BABAM2: variants seen among roughly 807,000 people sequenced by gnomAD.
BABAM2 encodes BRISC and BRCA1-A complex member 2.
In BABAM2, 31 loss-of-function variants were observed where a neutral mutation model predicts 54.7. The ratio of observed to expected loss-of-function variants is 0.57; its 90% confidence interval spans 0.43 to 0.77. BABAM2 has a LOEUF of 0.77. BABAM2 is among the 30% of genes least tolerant of loss of function. The pLI, the probability that BABAM2 is intolerant of heterozygous loss-of-function variation, is 0.00. For synonymous variants in BABAM2, 167 were observed against 162.9 expected (o/e 1.03, Z -0.19); for missense variants, 364 against 455.8 (o/e 0.80, Z 1.83).
chr2:28,139,321 CAAAAAAAAAAAAAAA>C (rs768755922), intron 7 of BABAM2, among the ~76,000 whole-genome samples: 133 of 87,058 alleles, frequency 1.5e-3, no homozygotes, highest in Non-Finnish European at 2.0e-3. Context: ...AACTCCGTCT[CAAAAAAAAAAAAAAA>C]AAAAAAAAAG....
chr2:28,026,855 T>TATAAAAA (rs1675776094), intron 5 of BABAM2, among the ~76,000 whole-genome samples: 1 of 81,284 alleles, frequency 1.2e-5, no homozygotes, highest in African/African-American at 6.0e-5. Flanking sequence ...TATATATTTA[T>TATAAAAA]ATATATAGAT....
chr2:27,945,986 C>T (rs1466480832), intron 3 of BABAM2, among the ~76,000 whole-genome samples: 1 of 151,946 alleles, frequency 6.6e-6, no homozygotes, highest in Non-Finnish European at 1.5e-5. Context: ...TTGTATCTTC[C>T]TTTCCAATCT....
intron 7 of BABAM2, among the ~76,000 whole-genome samples, chr2:28,133,930 G>C (rs910424088): frequency 6.6e-6 from 1 of 152,144 alleles, no homozygotes; most frequent in African/African-American, 2.4e-5. Context: ...TGGAATAGTT[G>C]TCTGGTGTCC....
intron 3 of BABAM2, among the ~76,000 whole-genome samples, chr2:27,944,679 G>A (rs1197226390): frequency 1.3e-5 from 2 of 151,674 alleles, no homozygotes; most frequent in Non-Finnish European, 2.9e-5. Context: ...GAATAAACTT[G>A]CCATTACATT....
At chr2:28,023,831 T>C (rs536418388) in intron 4 of BABAM2, among the ~76,000 whole-genome samples, 17 of 152,294 alleles carry the variant, frequency 1.1e-4, no homozygotes, top group African/African-American at 4.1e-4. Flanking sequence ...CTTAAGGCAA[T>C]ATAAAGTAGT....
At chr2:28,219,954 G>A (rs2148010079) in intron 7 of BABAM2, among the ~76,000 whole-genome samples, 2 of 152,310 alleles carry the variant, frequency 1.3e-5, no homozygotes, top group African/African-American at 4.8e-5. Flanking sequence ...TACTGGATGA[G>A]TTGTGGCTCA....
At chr2:28,099,798 C>T (rs1186721110) in intron 6 of BABAM2, among the ~76,000 whole-genome samples, 1 of 152,134 alleles carries the variant, frequency 6.6e-6, no homozygotes, top group Non-Finnish European at 1.5e-5. Context: ...TAACATTTCA[C>T]TCTGTTGTTG....
At chr2:28,072,186 T>G (rs1263090143) in intron 6 of BABAM2, among the ~76,000 whole-genome samples, 1 of 151,986 alleles carries the variant, frequency 6.6e-6, no homozygotes, top group Non-Finnish European at 1.5e-5. Context: ...ATTCTTTTTT[T>G]TTTTTGAGAT....
At chr2:28,266,652 A>T (rs4666049) in intron 10 of BABAM2, among the ~76,000 whole-genome samples, 26,248 of 152,220 alleles carry the variant, frequency 0.17, 3,246 homozygotes, top group East Asian at 0.59. Context: ...AGGTAAGGAA[A>T]CCAAGGGTAA....
chr2:28,278,984 G>A (rs1455206028), intron 10 of BABAM2, among the ~76,000 whole-genome samples: 1 of 152,208 alleles, frequency 6.6e-6, no homozygotes, highest in East Asian at 1.9e-4. Flanking sequence ...CACAGTGAAG[G>A]TGAGCCCGTC....
chr2:27,910,935 G>T (rs967303222), intron 2 of BABAM2, among the ~76,000 whole-genome samples: 3 of 152,154 alleles, frequency 2.0e-5, no homozygotes, highest in Admixed American at 1.3e-4. Context: ...GAGGGACCCG[G>T]TGGAAGGTAA....
intron 10 of BABAM2, among the ~76,000 whole-genome samples, chr2:28,265,163 G>A (rs143002140): frequency 1.2e-4 from 18 of 152,248 alleles, no homozygotes; most frequent in African/African-American, 3.1e-4. Flanking sequence ...TAGGCCGGGC[G>A]CGGTGGCTCA....
At chr2:28,143,175 G>A (rs796811584) in intron 7 of BABAM2, among the ~76,000 whole-genome samples, 43 of 151,916 alleles carry the variant, frequency 2.8e-4, no homozygotes, top group African/African-American at 9.2e-4. Flanking sequence ...CAATGGACTA[G>A]TATTCAGCCT....
chr2:28,216,832 CTCTT>C (rs1573862839), intron 7 of BABAM2, among the ~76,000 whole-genome samples: 1 of 152,164 alleles, frequency 6.6e-6, no homozygotes, highest in East Asian at 1.9e-4. Flanking sequence ...GGACATTTGA[CTCTT>C]TCTTCTCCCA....
intron 6 of BABAM2, among the ~76,000 whole-genome samples, chr2:28,086,411 G>A (rs6712142): frequency 0.015 from 2,216 of 152,100 alleles, 42 homozygotes; most frequent in African/African-American, 0.05. Flanking sequence ...AGACCTCAAC[G>A]TAAACATGCT....
intron 3 of BABAM2, among the ~76,000 whole-genome samples, chr2:27,966,545 G>A (rs1670859363): frequency 6.6e-6 from 1 of 152,180 alleles, no homozygotes; most frequent in Non-Finnish European, 1.5e-5. Flanking sequence ...CAAAGCCTTT[G>A]ATAGTTTCTT....
intron 11 of BABAM2, among the ~76,000 whole-genome samples, chr2:28,330,789 A>G (rs1048331696): frequency 1.3e-5 from 2 of 152,242 alleles, no homozygotes; most frequent in African/African-American, 4.8e-5. Flanking sequence ...TGCTTTTCCC[A>G]TTAAACTACC....
intron 7 of BABAM2, among the ~76,000 whole-genome samples, chr2:28,137,611 A>C (rs935492886): frequency 2.6e-5 from 4 of 152,234 alleles, no homozygotes; most frequent in Non-Finnish European, 5.9e-5. Context: ...TTGGGGGAGA[A>C]AATCAATCAG....
At chr2:27,950,249 G>C (rs1030433026) in intron 3 of BABAM2, among the ~76,000 whole-genome samples, 1 of 152,072 alleles carries the variant, frequency 6.6e-6, no homozygotes, top group African/African-American at 2.4e-5. Context: ...TGAAGAAAAG[G>C]CATTTTAAGA....
Sources: allele counts gnomAD v4.1 joint callset (sites outside exome capture counted in the v4.1 genomes callset), GRCh38; gene constraint gnomAD v4.1.1; transcripts MANE v1.5; gene names NCBI Gene and HGNC (gene_info 2026-07-23, HGNC 2026-07-21).